Variants in CRYBG3 observed in about 807,000 individuals in gnomAD.
CRYBG3 encodes crystallin beta-gamma domain containing 3, also known as very large A-kinase anchor protein.
In CRYBG3, 127 loss-of-function variants were observed where a neutral mutation model predicts 244.2. The observed-to-expected ratio is 0.52, with a 90% CI of 0.45 to 0.60. The LOEUF is 0.60. Among genes scored for constraint, CRYBG3 ranks in the 20% least tolerant of loss-of-function variants. The pLI is 0.00. For missense variants in CRYBG3, 3,325 were observed against 3,442.5 expected, an observed-to-expected ratio of 0.97 and a Z score of 0.85; for synonymous variants, 1,132 against 1,195.8, an observed-to-expected ratio of 0.95 and a Z score of 1.10.
At chr3:97,848,544 G>A (rs2316964) in intron 2 of CRYBG3, among the ~76,000 whole-genome samples, 67,539 of 151,894 alleles carry the variant, frequency 0.44, 16,225 homozygotes, top group East Asian at 0.67. Flanking sequence ...CTCGTGATCC[G>A]CCTGCCTCAG....
chr3:97,928,736 A>G (rs1325810238), intron 17 of CRYBG3, among the ~76,000 whole-genome samples: 1 of 152,016 alleles, frequency 6.6e-6, no homozygotes, highest in Non-Finnish European at 1.5e-5. Flanking sequence ...CTGTTCCTAT[A>G]GTGAAATTTA....
rs770938428 is a variant in CRYBG3 at position 97,864,369 on chromosome 3, G to A, written c.369G>A (p.Gln123=). ...GACAGCCAAAAGAAAGCTTTTTTCA[G>A]TTTCTTGGTAACTTATTCAATATCT... The part of the protein sequence containing the change: ...SDRQPKESFF[Q]FLGNLFNISG... The change falls in exon 3 of 22, where the codon CAG becomes CAA. Residue 123 remains glutamine (Q), a synonymous_variant. Transcript: ENST00000389622. 1.9e-5 allele frequency: 29 copies of A among 1,535,820 alleles called. No individual in the cohort carries two copies. The highest frequency in any genetic ancestry group is 2.4e-5 in the Non-Finnish European group (28 of 1,146,782).
At position 97,876,522 on chromosome 3, in the gene CRYBG3, C is replaced by T. The variant is rs978551379; in HGVS notation, c.5328C>T (p.Asn1776=). The T allele has an allele frequency of 3.2e-6, 4 of 1,232,006 alleles. No individual in the cohort carries two copies. Among genetic ancestry groups the T allele is most frequent in the Non-Finnish European group, 4.0e-6 (4 of 987,996 alleles). The allele number at this position is 1,232,006 out of a possible 1,614,324, so 76.3% of individuals were successfully genotyped here. Residue 1776 remains asparagine (N), a synonymous_variant, in exon 4 of 22, where the codon AAC becomes AAT. Coordinates refer to ENST00000389622, the MANE Select transcript of CRYBG3 (RefSeq NM_153605.4). ...AAAATGCCAAAGGTTTTACCGGGAA[C>T]ACTGAAGGGTCTGTGTTGAAAATGG... The part of the protein sequence containing the change: ...YQKNAKGFTG[N]TEGSVLKMEA...
At chr3:97,930,608 A>G (rs191904315) in intron 17 of CRYBG3, among the ~76,000 whole-genome samples, 1 of 152,086 alleles carries the variant, frequency 6.6e-6, no homozygotes, top group African/African-American at 2.4e-5. Flanking sequence ...GCACACAGCA[A>G]TTGTTACATT....
intron 10 of CRYBG3, among the ~76,000 whole-genome samples, chr3:97,889,985 G>C (rs780471447): frequency 1.3e-5 from 2 of 152,132 alleles, no homozygotes; most frequent in Non-Finnish European, 2.9e-5. Flanking sequence ...ATGCAAACAG[G>C]CCTGCTTGTA....
At chr3:97,898,325 A>G (rs1040913973) in intron 12 of CRYBG3, among the ~76,000 whole-genome samples, 10 of 151,370 alleles carry the variant, frequency 6.6e-5, no homozygotes, top group African/African-American at 2.2e-4. Flanking sequence ...TTTCTCTTTC[A>G]TGAGCTGTCT....
At chr3:97,905,998 G>C (rs1441288064) in intron 15 of CRYBG3, among the ~76,000 whole-genome samples, 12 of 145,198 alleles carry the variant, frequency 8.3e-5, no homozygotes, top group African/African-American at 2.5e-4. Context: ...TTATTAAATA[G>C]GGAATCCTTT....
rs917235491 is a variant in CRYBG3 at position 97,944,950 on chromosome 3, A to G, written c.*1636A>G. The G allele has an allele frequency of 2.9e-6, 1 of 343,050 alleles. No homozygotes were observed. The highest frequency in any genetic ancestry group is 5.3e-6 in the Non-Finnish European group (1 of 190,254). 21.3% of individuals were successfully genotyped at this position (343,050 alleles called of 1,614,324 possible). A position where few individuals can be genotyped will look rare whatever the true frequency, so the allele number is the denominator to read the frequency against. ...CTTTTCTACCACACTGGATTAAATA[A>G]ACTTGTCAAAATATGGTTTTGTCAT... is the stretch of plus-strand genomic sequence containing the variant. On this transcript the variant is annotated 3_prime_UTR_variant, in exon 22 of 22. Coordinates refer to ENST00000389622, the MANE Select transcript of CRYBG3 (RefSeq NM_153605.4).
chr3:97,862,954 C>T (rs1460924724), intron 2 of CRYBG3, among the ~76,000 whole-genome samples: 1 of 152,148 alleles, frequency 6.6e-6, no homozygotes, highest in African/African-American at 2.4e-5. Flanking sequence ...ATTTTCTCAA[C>T]CTTTCATATG....
Position 97,875,490 on chromosome 3 carries a change from A to T in CRYBG3, c.4296A>T (p.Ser1432=). Residue 1432 remains serine (S), a synonymous_variant, in exon 4 of 22, where the codon TCA becomes TCT. Transcript: ENST00000389622. ...CGGTTTTACTAGCTGAAGACATGTC[A>T]CATAAACGGTTAGATGATAGGGTAA... The part of the protein sequence containing the change: ...SDTVLLAEDM[S]HKRLDDRVKT... The T allele has an allele frequency of 7.7e-7, 1 of 1,299,464 alleles. No individual in the cohort carries two copies. Among genetic ancestry groups the T allele is most frequent in the Non-Finnish European group, 9.7e-7 (1 of 1,030,172 alleles). 80.5% of individuals were successfully genotyped at this position (1,299,464 alleles called of 1,614,324 possible). A position where few individuals can be genotyped will look rare whatever the true frequency, so the allele number is the denominator to read the frequency against.
At chr3:97,859,337 G>A (rs2039112668) in intron 2 of CRYBG3, among the ~76,000 whole-genome samples, 1 of 152,086 alleles carries the variant, frequency 6.6e-6, no homozygotes, top group South Asian at 2.1e-4. Flanking sequence ...AAGGGGGCAG[G>A]GCAACATTGT....
rs140324961 is a variant in CRYBG3 at position 97,832,964 on chromosome 3, A to G, written c.150-10231A>G. Reference sequence around the variant, plus strand: ...ATGCGGCCAATGAGCATATGAAAAAAAGCTCATCATCACTGGTCATTAGAG... The same window carrying G: ...ATGCGGCCAATGAGCATATGAAAAAGAGCTCATCATCACTGGTCATTAGAG... On this transcript the variant is annotated intron_variant, in intron 1 of 21. Coordinates refer to ENST00000389622, the MANE Select transcript of CRYBG3 (RefSeq NM_153605.4). 6.4e-3 allele frequency among the ~76,000 whole-genome samples: 969 copies of G among 152,338 alleles called. 8 individuals carry two copies. Among genetic ancestry groups the G allele is most frequent in the African/African-American group, 0.021 (886 of 41,588 alleles).
intron 20 of CRYBG3, 158 bp from the exon 21 acceptor site, chr3:97,942,126 A>T: frequency 2.0e-6 from 1 of 489,744 alleles, no homozygotes; most frequent in East Asian, 3.4e-5. Context: ...AGAAGACATT[A>T]AAAAAGGCTT....
At chr3:97,839,300 TTTTTA>T (rs1275832563) in intron 1 of CRYBG3, among the ~76,000 whole-genome samples, 3 of 152,134 alleles carry the variant, frequency 2.0e-5, no homozygotes, top group Admixed American at 1.3e-4. Context: ...TTTTGAGTCC[TTTTTA>T]TTTTATTTAT....
chr3:97,868,315 G>A (rs976783185), intron 3 of CRYBG3, among the ~76,000 whole-genome samples: 2 of 151,442 alleles, frequency 1.3e-5, no homozygotes, highest in Admixed American at 6.6e-5. Context: ...ATTGAATTGT[G>A]TGGACTCAAC....
At chr3:97,883,472 AC>A (rs1029986233) in intron 7 of CRYBG3, among the ~76,000 whole-genome samples, 1 of 152,042 alleles carries the variant, frequency 6.6e-6, no homozygotes, top group African/African-American at 2.4e-5. Flanking sequence ...GCAAACAGCC[AC>A]CTCTCTCACC....
chr3:97,824,577 T>G (rs1466235608), intron 1 of CRYBG3, among the ~76,000 whole-genome samples: 2 of 152,064 alleles, frequency 1.3e-5, no homozygotes, highest in Admixed American at 6.5e-5. Context: ...CATAGGAAAA[T>G]CTTTGTTTTT....
intron 6 of CRYBG3, among the ~76,000 whole-genome samples, 185 bp downstream of exon 6, chr3:97,880,285 T>C (rs929702869): frequency 6.6e-6 from 1 of 152,238 alleles, no homozygotes; most frequent in Non-Finnish European, 1.5e-5. Flanking sequence ...TACTATGGCA[T>C]AAAATACAAT....
chr3:97,871,618 G>A (rs1423834935), intron 3 of CRYBG3, among the ~76,000 whole-genome samples: 1 of 152,118 alleles, frequency 6.6e-6, no homozygotes, highest in African/African-American at 2.4e-5. Flanking sequence ...GTAATTCTAA[G>A]GAGGTCAAAC....
Sources: gnomAD v4.1 joint callset for allele counts (sites outside exome capture counted in the v4.1 genomes callset) on GRCh38, gnomAD v4.1.1 for gene constraint, MANE v1.5 for transcripts, NCBI Gene and HGNC (gene_info 2026-07-23, HGNC 2026-07-21) for gene names.